The following RP1 variants were observed in gnomAD, a reference collection of about 807,000 sequenced individuals.
RP1 encodes oxygen-regulated protein 1.
A neutral mutation model predicts 14.8 loss-of-function variants in RP1; 16 were observed. That is an observed-to-expected ratio of 1.08 (90% CI 0.73 to 1.65). The LOEUF (loss-of-function observed/expected upper bound fraction) is 1.65, where lower values mean the gene tolerates loss of function less well. Among genes scored for constraint, RP1 ranks in the 40% most tolerant of loss-of-function variants. The pLI is 0.00. For synonymous variants in RP1, 876 were observed against 883.6 expected, an observed-to-expected ratio of 0.99 and a Z score of 0.15; for missense variants, 2,631 against 2,535.0, an observed-to-expected ratio of 1.04 and a Z score of -0.81.
chr8:54,660,289 C>A (rs536463997), intron 6 of RP1, among the ~76,000 whole-genome samples: 1 of 152,022 alleles, frequency 6.6e-6, no homozygotes, highest in Non-Finnish European at 1.5e-5. Flanking sequence ...TTTCTTTCAT[C>A]AATAAGTATT....
At position 54,625,675 on chromosome 8, in the gene RP1, A is replaced by G. The variant is rs1352400994; in HGVS notation, c.1793A>G (p.Tyr598Cys). 6.2e-7 allele frequency: 1 copy of G among 1,614,170 alleles called. No homozygotes were observed. Among genetic ancestry groups the G allele is most frequent in the Admixed American group, 1.7e-5 (1 of 60,028 alleles). ...NKTGIKNFKT[Y>C]GNTNDRFSPI... The stretch of plus-strand genomic sequence containing the variant: ...ACTGGTATCAAGAACTTCAAAACTT[A>G]TGGTAACACCAATGATAGGTTCAGT... The change falls in exon 4 of 4, where the codon TAT becomes TGT. Residue 598 changes from tyrosine (Y) to cysteine (C), a missense_variant. Coordinates refer to ENST00000220676, the MANE Select transcript of RP1 (RefSeq NM_006269.2).
intron 12 of RP1, among the ~76,000 whole-genome samples, chr8:54,690,154 A>T (rs1255328914): frequency 1.3e-5 from 2 of 151,918 alleles, no homozygotes; most frequent in African/African-American, 4.8e-5. Context: ...CACCTGTGTA[A>T]ATTTTCTTTG....
chr8:54,660,419 G>A (rs1051183900), intron 6 of RP1, among the ~76,000 whole-genome samples: 5 of 152,108 alleles, frequency 3.3e-5, no homozygotes, highest in Admixed American at 2.0e-4. Context: ...TGCTTTTTCT[G>A]CATTGATGAA....
intron 1 of RP1, among the ~76,000 whole-genome samples, chr8:54,601,571 A>AT (rs199690991): frequency 0.032 from 4,314 of 133,344 alleles, 214 homozygotes; most frequent in African/African-American, 0.12. Flanking sequence ...TTAAAGTATA[A>AT]TAAAAAAAAA....
intron 26 of RP1, among the ~76,000 whole-genome samples, chr8:54,854,907 C>T (rs1238343357): frequency 6.6e-6 from 1 of 152,142 alleles, no homozygotes; most frequent in Non-Finnish European, 1.5e-5. Flanking sequence ...GCAAAATACA[C>T]ATAACCTAAA....
chr8:54,626,292 C>T lies in RP1; in HGVS notation c.2410C>T (p.His804Tyr), dbSNP rs370437665. The change falls in exon 4 of 4, where the codon CAC (histidine) becomes TAC (tyrosine). Residue 804 changes from histidine (H) to tyrosine (Y), a missense_variant. Physicochemically the swap from His to Tyr is moderately conservative, Grantham distance 83 (BLOSUM62 2). Transcript: ENST00000220676. Reference protein sequence around the residue: ...EIGQRDKVFPHNESKYCKSTF... With the variant: ...EIGQRDKVFPYNESKYCKSTF... ...CGGTCAAAGAGATAAAGTGTTTCCT[C>T]ACAATGAATCTAAATATTGCAAAAG... is the stretch of plus-strand genomic sequence containing the variant. The T allele has an allele frequency of 6.2e-7, 1 of 1,613,362 alleles. No individual in the cohort carries two copies. The highest frequency in any genetic ancestry group is 1.3e-5 in the African/African-American group (1 of 74,944).
chr8:54,670,671 T>TTATTTA (rs1554522906), intron 7 of RP1, among the ~76,000 whole-genome samples: 1 of 62,566 alleles, frequency 1.6e-5, no homozygotes, highest in African/African-American at 6.9e-5. Context: ...ATATATGTTT[T>TTATTTA]TATATATATA....
At chr8:54,596,036 TA>T (rs1161786210) in intron 1 of RP1, among the ~76,000 whole-genome samples, 1 of 152,262 alleles carries the variant, frequency 6.6e-6, no homozygotes, top group Non-Finnish European at 1.5e-5. Context: ...ACAAGAATGA[TA>T]ATGATACATT....
exon 28 of RP1, chr8:54,865,913 A>G (rs1221050709): frequency 2.5e-6 from 3 of 1,215,780 alleles, no homozygotes; most frequent in Non-Finnish European, 3.1e-6. Context: ...TTTCTATGCA[A>G]CAGGTATGCT....
chr8:54,825,358 A>G (rs557553145), intron 24 of RP1, among the ~76,000 whole-genome samples: 11 of 152,202 alleles, frequency 7.2e-5, no homozygotes, highest in Admixed American at 2.0e-4. Context: ...TATTCAATAC[A>G]GTGGTAAAAG....
intron 1 of RP1, 22 bp from the exon 2 acceptor site, chr8:54,620,933 G>A: frequency 1.2e-6 from 2 of 1,611,398 alleles, no homozygotes; most frequent in Non-Finnish European, 8.5e-7. Flanking sequence ...TGATTCTGGA[G>A]ATAATTTTCT....
chr8:54,600,439 G>A (rs1805248560), intron 1 of RP1, among the ~76,000 whole-genome samples: 1 of 152,176 alleles, frequency 6.6e-6, no homozygotes, highest in Non-Finnish European at 1.5e-5. Flanking sequence ...CTGCAGAGTG[G>A]CGGGGAGTTG....
chr8:54,666,720 C>A (rs1379253126), intron 7 of RP1, among the ~76,000 whole-genome samples: 1 of 151,974 alleles, frequency 6.6e-6, no homozygotes, highest in Admixed American at 6.6e-5. Context: ...AGACCTCTTC[C>A]AGGGAGAAAC....
At chr8:54,849,012 G>A (rs904283465) in intron 25 of RP1, among the ~76,000 whole-genome samples, 2 of 152,112 alleles carry the variant, frequency 1.3e-5, no homozygotes, top group Non-Finnish European at 2.9e-5. Context: ...GCCTCCCAAA[G>A]TCCCGGGATT....
intron 12 of RP1, among the ~76,000 whole-genome samples, chr8:54,684,904 C>G (rs1807522292): frequency 6.6e-6 from 1 of 152,064 alleles, no homozygotes; most frequent in Non-Finnish European, 1.5e-5. Flanking sequence ...AAACCAAACA[C>G]CCCATGTTCT....
chr8:54,596,439 T>C lies in RP1; in HGVS notation c.-12-24516T>C, dbSNP rs115926657. On this transcript the variant is annotated intron_variant, in intron 1 of 22. Coordinates refer to the RP1 transcript ENST00000636932. ...ATCCCATGACTCAAATTATCTCCTC[T>C]ACATGAATACCTTTCAAATCTTCTC... Among the ~76,000 whole-genome samples, 941 of 152,322 alleles carry C rather than the reference T, an allele frequency of 6.2e-3. 13 individuals are homozygous for C. Among genetic ancestry groups the C allele is most frequent in the African/African-American group, 0.022 (897 of 41,578 alleles).
chr8:54,708,833 C>T (rs867490643), intron 15 of RP1, among the ~76,000 whole-genome samples: 1 of 151,626 alleles, frequency 6.6e-6, no homozygotes, highest in Non-Finnish European at 1.5e-5. Context: ...CTTTTTCTTC[C>T]TATTTGTGCT....
chr8:54,730,903 AT>A (rs1352500892), intron 17 of RP1, among the ~76,000 whole-genome samples: 1 of 152,036 alleles, frequency 6.6e-6, no homozygotes, highest in Non-Finnish European at 1.5e-5. Flanking sequence ...TCACTGTCTT[AT>A]TTTTTGCAGA....
At chr8:54,670,018 AAAG>A (rs1441511521) in intron 7 of RP1, among the ~76,000 whole-genome samples, 1 of 152,206 alleles carries the variant, frequency 6.6e-6, no homozygotes, top group Non-Finnish European at 1.5e-5. Flanking sequence ...CCTAGAACTT[AAAG>A]TATAATAATA....
Sources: allele counts gnomAD v4.1 joint callset (sites outside exome capture counted in the v4.1 genomes callset), GRCh38; gene constraint gnomAD v4.1.1; transcripts MANE v1.5; gene names NCBI Gene and HGNC (gene_info 2026-07-23, HGNC 2026-07-21).